The following ZNF385D variants were observed in gnomAD, a reference collection of about 807,000 sequenced individuals.
ZNF385D encodes zinc finger protein 385D.
In ZNF385D, 15 loss-of-function variants were observed where a neutral mutation model predicts 35.8. The observed-to-expected ratio is 0.42, with a 90% confidence interval of 0.28 to 0.64. The LOEUF (loss-of-function observed/expected upper bound fraction) is 0.64, where lower values mean the gene tolerates loss of function less well. ZNF385D is among the 30% of genes least tolerant of loss of function. The pLI is 0.23. For synonymous variants in ZNF385D, 212 were observed against 186.8 expected (o/e 1.13, Z -1.10); for missense variants, 474 against 494.6 (o/e 0.96, Z 0.39).
In ZNF385D at chr3:22,096,203, C is replaced by A. The variant is rs137995510; in HGVS notation, c.325+72614G>T. Among the ~76,000 whole-genome samples, 381 of 151,836 alleles carry A rather than the reference C, an allele frequency of 2.5e-3. 1 individual carries two copies. Among genetic ancestry groups the A allele is most frequent in the Middle Eastern group, 0.01 (3 of 292 alleles). ...GAGAAGGAGACAAGGGTTGAAAAAC[C>A]GACTGTTGAGTAGCATGCTCACTAC... On this transcript the variant is annotated intron_variant, in intron 3 of 5. Transcript: ENST00000494108.
At chr3:22,361,317 C>A (rs1452005222) in intron 2 of ZNF385D, among the ~76,000 whole-genome samples, 1 of 152,004 alleles carries the variant, frequency 6.6e-6, no homozygotes, top group Admixed American at 6.6e-5. Context: ...TTGCTGTAAT[C>A]AGAATGTAAT....
chr3:21,661,460 C>A (rs1010259422), intron 2 of ZNF385D, among the ~76,000 whole-genome samples: 1 of 152,162 alleles, frequency 6.6e-6, no homozygotes, highest in African/African-American at 2.4e-5. Context: ...TAGCAGTTGA[C>A]TGAATGAACT....
chr3:22,227,189 G>C (rs962212118), intron 2 of ZNF385D, among the ~76,000 whole-genome samples: 1 of 151,886 alleles, frequency 6.6e-6, no homozygotes, highest in Admixed American at 6.6e-5. Context: ...TGTGGGGCGG[G>C]GGGGGTGTAG....
intron 1 of ZNF385D, among the ~76,000 whole-genome samples, chr3:21,726,463 A>C (rs1285993795): frequency 1.3e-5 from 2 of 152,222 alleles, no homozygotes; most frequent in East Asian, 3.8e-4. Flanking sequence ...TTAAGCAGAT[A>C]AACAACTTCA....
At chr3:21,976,788 C>G (rs113107871) in intron 3 of ZNF385D, among the ~76,000 whole-genome samples, 3 of 152,064 alleles carry the variant, frequency 2.0e-5, no homozygotes, top group African/African-American at 7.3e-5. Flanking sequence ...GTCAGGAGTT[C>G]GAGAACATCC....
chr3:22,206,056 C>T (rs764516341), intron 2 of ZNF385D, among the ~76,000 whole-genome samples: 1 of 151,876 alleles, frequency 6.6e-6, no homozygotes, highest in Non-Finnish European at 1.5e-5. Flanking sequence ...CCTGTAAGGA[C>T]ACACATGCTG....
intron 3 of ZNF385D, among the ~76,000 whole-genome samples, chr3:22,127,747 G>T (rs1008317059): frequency 7.2e-5 from 11 of 151,970 alleles, no homozygotes; most frequent in Admixed American, 2.6e-4. Flanking sequence ...AACAACCAAA[G>T]AAACTAAACA....
intron 3 of ZNF385D, among the ~76,000 whole-genome samples, chr3:21,804,631 A>C (rs1387478120): frequency 6.6e-6 from 1 of 152,212 alleles, no homozygotes; most frequent in Non-Finnish European, 1.5e-5. Flanking sequence ...CTTCTACTTA[A>C]GAGCTATTTA....
chr3:21,617,387 G>C (rs1285978389), intron 2 of ZNF385D, among the ~76,000 whole-genome samples: 8 of 152,126 alleles, frequency 5.3e-5, no homozygotes, highest in Non-Finnish European at 1.5e-5. Flanking sequence ...GTGACCTTGA[G>C]GGAATCACAA....
chr3:22,069,664 A>T (rs2125559663), intron 3 of ZNF385D, among the ~76,000 whole-genome samples: 1 of 152,210 alleles, frequency 6.6e-6, no homozygotes, highest in South Asian at 2.1e-4. Context: ...TCATTCTATC[A>T]TTTTCCCTGA....
In ZNF385D at chr3:21,417,731, G is replaced by T. The variant is rs1700581446; in HGVS notation, c.*3483C>A. The T allele has an allele frequency of 6.6e-6, 1 of 151,982 alleles. No homozygotes were observed. Among genetic ancestry groups the T allele is most frequent in the South Asian group, 2.1e-4 (1 of 4,812 alleles). The allele number at this position is 151,982 out of a possible 1,614,324, so 9.4% of individuals were successfully genotyped here. On this transcript the variant is annotated 3_prime_UTR_variant, in exon 8 of 8. Coordinates refer to ENST00000281523, the MANE Select transcript of ZNF385D (RefSeq NM_024697.3). ...TGTCTTTTAATTCTTAGTCTTTTAT[G>T]ATTTCCTGCTCTTTTAATTTTCAAG...
At chr3:21,652,624 C>A (rs1025274130) in intron 2 of ZNF385D, among the ~76,000 whole-genome samples, 2 of 148,980 alleles carry the variant, frequency 1.3e-5, no homozygotes, top group Non-Finnish European at 3.0e-5. Context: ...TCCCTCCCCC[C>A]TCCCCCAACC....
At chr3:22,003,189 C>T (rs1466389963) in intron 3 of ZNF385D, among the ~76,000 whole-genome samples, 1 of 152,144 alleles carries the variant, frequency 6.6e-6, no homozygotes, top group East Asian at 1.9e-4. Flanking sequence ...AAATATTCCA[C>T]CCCAATCTCT....
chr3:22,192,367 A>C (rs544580671), intron 2 of ZNF385D, among the ~76,000 whole-genome samples: 1 of 152,242 alleles, frequency 6.6e-6, no homozygotes, highest in African/African-American at 2.4e-5. Context: ...GATTGTTCCT[A>C]CTGAACCTCA....
chr3:21,803,998 C>T (rs927079597), intron 3 of ZNF385D, among the ~76,000 whole-genome samples: 3 of 152,126 alleles, frequency 2.0e-5, no homozygotes, highest in Non-Finnish European at 4.4e-5. Context: ...CATGTTTACA[C>T]AATGAAGAAA....
intron 2 of ZNF385D, among the ~76,000 whole-genome samples, chr3:21,585,504 C>T (rs2063783852): frequency 6.6e-6 from 1 of 152,128 alleles, no homozygotes; most frequent in East Asian, 1.9e-4. Flanking sequence ...GGAATCTTGG[C>T]TCAAAATAAG....
At position 21,808,607 on chromosome 3, in the gene ZNF385D, G is replaced by A. The variant is rs150347211; in HGVS notation, c.326-143579C>T. 4.0e-3 allele frequency among the ~76,000 whole-genome samples: 609 copies of A among 152,320 alleles called. 5 individuals carry two copies. Among genetic ancestry groups the A allele is most frequent in the Non-Finnish European group, 5.1e-3 (345 of 68,030 alleles). On this transcript the variant is annotated intron_variant, in intron 3 of 5. Transcript: ENST00000494108. The stretch of plus-strand genomic sequence containing the variant: ...CAGTGCTGTGGCCATAGAGCTACTG[G>A]GTGGACTGTTGTCAATTATTCCTCT...
intron 2 of ZNF385D, among the ~76,000 whole-genome samples, chr3:22,286,555 T>A (rs986999424): frequency 3.9e-5 from 6 of 152,150 alleles, no homozygotes; most frequent in Non-Finnish European, 8.8e-5. Flanking sequence ...AATTCCCGCT[T>A]AGCACTGTTT....
At chr3:21,786,431 T>A (rs1307198653) in intron 3 of ZNF385D, among the ~76,000 whole-genome samples, 2 of 152,204 alleles carry the variant, frequency 1.3e-5, no homozygotes, top group East Asian at 3.9e-4. Context: ...ATTTCAGATT[T>A]TAAACATACA....
Sources: allele counts gnomAD v4.1 joint callset (sites outside exome capture counted in the v4.1 genomes callset), GRCh38; gene constraint gnomAD v4.1.1; transcripts MANE v1.5; gene names NCBI Gene and HGNC (gene_info 2026-07-23, HGNC 2026-07-21).